The following CSMD1 variants were observed in gnomAD, a reference collection of about 807,000 sequenced individuals.
The protein encoded by CSMD1 is CUB and sushi domain-containing protein 1.
Under a neutral mutation model 417.5 loss-of-function variants are expected in CSMD1, and 213 were observed. The ratio of observed to expected loss-of-function variants is 0.51; its 90% CI spans 0.46 to 0.57. The LOEUF (loss-of-function observed/expected upper bound fraction) is 0.57. Among genes scored for constraint, CSMD1 ranks in the 20% least tolerant of loss-of-function variants. CSMD1 has a pLI of 0.00. For missense variants in CSMD1, 6,923 were observed against 4,529.7 expected, an observed-to-expected ratio of 1.53 and a Z score of -15.17; for synonymous variants, 2,862 against 1,736.8, an observed-to-expected ratio of 1.65 and a Z score of -16.11.
chr8:3,970,978 T>G (rs901358422), intron 5 of CSMD1, among the ~76,000 whole-genome samples: 5 of 152,164 alleles, frequency 3.3e-5, no homozygotes, highest in Non-Finnish European at 7.3e-5. Context: ...CTCGAAGTCC[T>G]GACCTCAGGT....
intron 26 of CSMD1, among the ~76,000 whole-genome samples, chr8:3,252,375 C>A (rs1003945747): frequency 6.6e-6 from 1 of 152,122 alleles, no homozygotes; most frequent in Non-Finnish European, 1.5e-5. Flanking sequence ...TATTGATTTG[C>A]ATATGTTGAA....
intron 1 of CSMD1, among the ~76,000 whole-genome samples, chr8:4,918,111 T>C (rs1806192126): frequency 6.6e-6 from 1 of 152,184 alleles, no homozygotes; most frequent in African/African-American, 2.4e-5. Flanking sequence ...AAATATGTAT[T>C]CTATTACAAA....
intron 5 of CSMD1, among the ~76,000 whole-genome samples, chr8:3,951,609 T>C (rs1441428078): frequency 6.6e-6 from 1 of 152,060 alleles, no homozygotes; most frequent in Non-Finnish European, 1.5e-5. Flanking sequence ...ATACTACTAC[T>C]CTAGGAAACA....
chr8:4,004,720 G>C (rs750703736), intron 4 of CSMD1, among the ~76,000 whole-genome samples: 6 of 151,844 alleles, frequency 4.0e-5, no homozygotes, highest in Non-Finnish European at 5.9e-5. Flanking sequence ...GATGAGATTG[G>C]TGACTATTAT....
chr8:4,455,027 C>T (rs946475010), intron 2 of CSMD1, among the ~76,000 whole-genome samples: 3 of 152,010 alleles, frequency 2.0e-5, no homozygotes, highest in Non-Finnish European at 2.9e-5. Context: ...TGTGTCAGTC[C>T]GCTGTCATCA....
In CSMD1 at chr8:4,269,635, T is replaced by C. The variant is rs1414269347; in HGVS notation, c.415+150318A>G. ...ATTTTTTATACGTATATTGTAAATA[T>C]CACACATGACTTTATCAGGTTGCCT... On this transcript the variant is annotated intron_variant, in intron 3 of 69. Transcript: ENST00000635120. Among the ~76,000 whole-genome samples, 4 of 152,196 alleles carry C rather than the reference T, an allele frequency of 2.6e-5. No homozygotes were observed. The East Asian group carries it at 7.7e-4, about 29-fold the overall frequency.
At chr8:4,423,369 G>T (rs1454017931) in intron 2 of CSMD1, among the ~76,000 whole-genome samples, 1 of 151,988 alleles carries the variant, frequency 6.6e-6, no homozygotes, top group African/African-American at 2.4e-5. Flanking sequence ...AACGTGCAAG[G>T]CACATAATGA....
At chr8:4,001,901 A>G (rs1357924147) in intron 4 of CSMD1, among the ~76,000 whole-genome samples, 28 of 152,148 alleles carry the variant, frequency 1.8e-4, no homozygotes, top group Non-Finnish European at 1.5e-5. Context: ...CAGAGGAAAA[A>G]AAAAATTCCC....
At chr8:4,028,118 A>G (rs1797157629) in intron 4 of CSMD1, among the ~76,000 whole-genome samples, 1 of 152,214 alleles carries the variant, frequency 6.6e-6, no homozygotes, top group East Asian at 1.9e-4. Flanking sequence ...TGGACATAAT[A>G]AACTTCAGGA....
chr8:4,685,668 A>C (rs1245669935), intron 1 of CSMD1, among the ~76,000 whole-genome samples: 2 of 152,236 alleles, frequency 1.3e-5, no homozygotes, highest in East Asian at 1.9e-4. Context: ...CAGGAAACAA[A>C]ATCAATTAAA....
chr8:4,149,368 G>C (rs186299960), intron 3 of CSMD1, among the ~76,000 whole-genome samples: 1 of 152,080 alleles, frequency 6.6e-6, no homozygotes, highest in South Asian at 2.1e-4. Context: ...ATACACTTTG[G>C]TATAATAAAA....
intron 26 of CSMD1, among the ~76,000 whole-genome samples, chr8:3,277,546 A>C (rs1406008724): frequency 1.3e-5 from 2 of 152,110 alleles, no homozygotes; most frequent in Non-Finnish European, 2.9e-5. Flanking sequence ...GAGGTCTAAA[A>C]ATGGCTCCAA....
chr8:4,573,721 C>T (rs1799001203), intron 2 of CSMD1, among the ~76,000 whole-genome samples: 1 of 152,148 alleles, frequency 6.6e-6, no homozygotes, highest in African/African-American at 2.4e-5. Context: ...GCTGCACCCA[C>T]AGCCACTCCT....
At chr8:3,980,119 G>A (rs1359556039) in intron 5 of CSMD1, among the ~76,000 whole-genome samples, 5 of 133,726 alleles carry the variant, frequency 3.7e-5, no homozygotes, top group African/African-American at 1.2e-4. Flanking sequence ...TAGAAAATAG[G>A]TTTTATCATT....
intron 7 of CSMD1, among the ~76,000 whole-genome samples, chr8:3,693,797 CGTG>C (rs1563279779): frequency 6.7e-6 from 1 of 149,090 alleles, no homozygotes; most frequent in Non-Finnish European, 1.5e-5. Context: ...GTGTTGGCGT[CGTG>C]TGTGTGTGTG....
chr8:4,902,830 C>T (rs1270031847), intron 1 of CSMD1, among the ~76,000 whole-genome samples: 4 of 151,902 alleles, frequency 2.6e-5, no homozygotes, highest in African/African-American at 4.8e-5. Flanking sequence ...AATATACATA[C>T]ATACACATAT....
At chr8:4,957,237 T>G (rs1043274189) in intron 1 of CSMD1, among the ~76,000 whole-genome samples, 3 of 152,202 alleles carry the variant, frequency 2.0e-5, no homozygotes, top group South Asian at 2.1e-4. Context: ...CTAATATTAC[T>G]GAGTTGCCTT....
intron 1 of CSMD1, among the ~76,000 whole-genome samples, chr8:4,834,893 C>T (rs1169057599): frequency 7.7e-6 from 1 of 130,702 alleles, no homozygotes; most frequent in African/African-American, 2.9e-5. Context: ...GGAGGCGGAG[C>T]TTGCAGTGAT....
chr8:3,940,254 C>G (rs1215074331), intron 5 of CSMD1, among the ~76,000 whole-genome samples: 3 of 151,958 alleles, frequency 2.0e-5, no homozygotes, highest in African/African-American at 2.4e-5. Flanking sequence ...CAGAAGAAAT[C>G]AGACTCTGAA....
Sources: gnomAD v4.1 joint callset for allele counts (sites outside exome capture counted in the v4.1 genomes callset) on GRCh38, gnomAD v4.1.1 for gene constraint, MANE v1.5 for transcripts, NCBI Gene and HGNC (gene_info 2026-07-23, HGNC 2026-07-21) for gene names.